ACLY: variants seen among roughly 807,000 people sequenced by gnomAD.
The protein encoded by ACLY is ATP citrate lyase.
ACLY carries 41 observed loss-of-function variants against 133.0 expected under a neutral mutation model. The observed-to-expected ratio is 0.31, with a 90% CI of 0.24 to 0.40. The LOEUF is 0.40. Among genes scored for constraint, ACLY ranks in the 10% least tolerant of loss-of-function variants. The probability of loss-of-function intolerance (pLI) is 1.00; values close to 1 mark genes in which losing one functional copy is unlikely to be tolerated. For missense variants in ACLY, 1,046 were observed against 1,453.8 expected (o/e 0.72, Z 4.56); for synonymous variants, 495 against 549.3 (o/e 0.90, Z 1.38).
chr17:41,909,996 G>C (rs1355381912), intron 4 of ACLY, among the ~76,000 whole-genome samples: 1 of 152,116 alleles, frequency 6.6e-6, no homozygotes, highest in Non-Finnish European at 1.5e-5. Flanking sequence ...CCTGCACTTG[G>C]AAGTCCCCTT....
chr17:41,869,804 G>A (rs1051085609), intron 25 of ACLY, among the ~76,000 whole-genome samples: 3 of 152,190 alleles, frequency 2.0e-5, no homozygotes, highest in South Asian at 4.1e-4. Flanking sequence ...AACAACCTTG[G>A]TAGGTTCTCA....
chr17:41,869,442 G>A (rs532823509), intron 26 of ACLY, 32 bp downstream of exon 26: 13 of 1,554,826 alleles, frequency 8.4e-6, no homozygotes, highest in South Asian at 1.1e-5. Flanking sequence ...CTTGTCCAAC[G>A]TGAGGGAATT....
intron 10 of ACLY, among the ~76,000 whole-genome samples, chr17:41,902,182 A>G (rs140371854): frequency 6.6e-6 from 1 of 152,228 alleles, no homozygotes; most frequent in African/African-American, 2.4e-5. Flanking sequence ...GACATAGTCA[A>G]TGTCCTACAA....
intron 22 of ACLY, among the ~76,000 whole-genome samples, chr17:41,876,930 G>GA (rs1373463986): frequency 5.2e-4 from 73 of 141,348 alleles, no homozygotes; most frequent in Middle Eastern, 3.6e-3. Flanking sequence ...AATAAAAAAG[G>GA]AAAAAAAAAA....
At chr17:41,881,672 C>T (rs529872390) in intron 20 of ACLY, among the ~76,000 whole-genome samples, 1 of 152,198 alleles carries the variant, frequency 6.6e-6, no homozygotes, top group East Asian at 1.9e-4. Flanking sequence ...TCTCAGCTCA[C>T]TGCATCCTCC....
intron 20 of ACLY, among the ~76,000 whole-genome samples, chr17:41,882,176 G>A (rs530613844): frequency 5.5e-4 from 83 of 151,860 alleles, no homozygotes; most frequent in Non-Finnish European, 9.6e-4. Context: ...AGACCAGCCT[G>A]ACCAACATGG....
chr17:41,868,017 G>C, intron 28 of ACLY, 113 bp from the exon 29 acceptor site: 2 of 670,164 alleles, frequency 3.0e-6, no homozygotes, highest in South Asian at 4.1e-5. Flanking sequence ...ACAAAGCAGT[G>C]GGAAGTTTAG....
At chr17:41,880,014 G>A (rs1447386675) in intron 20 of ACLY, among the ~76,000 whole-genome samples, 5 of 152,138 alleles carry the variant, frequency 3.3e-5, no homozygotes, top group African/African-American at 1.2e-4. Flanking sequence ...ACAGGCATGA[G>A]CCAGCGCGCC....
intron 13 of ACLY, 46 bp downstream of exon 13, chr17:41,897,703 C>A: frequency 6.5e-7 from 1 of 1,547,098 alleles, no homozygotes; most frequent in Non-Finnish European, 8.8e-7. Context: ...ACAGAGGGTA[C>A]CGCAAGGCCA....
At chr17:41,907,340 CA>C in intron 7 of ACLY, 101 bp downstream of exon 7, 1 of 1,137,176 alleles carries the variant, frequency 8.8e-7, no homozygotes, top group Non-Finnish European at 1.2e-6. Context: ...CTTTCCCTGC[CA>C]AATAAACAGC....
At position 41,893,072 on chromosome 17, in the gene ACLY, C is replaced by A; in HGVS notation, c.1562G>T (p.Arg521Leu). The A allele has an allele frequency of 6.2e-7, 1 of 1,614,102 alleles. No individual in the cohort carries two copies. Among genetic ancestry groups the A allele is most frequent in the Non-Finnish European group, 8.5e-7 (1 of 1,179,986 alleles). The change falls in exon 15 of 29, where the codon CGA (arginine) becomes CTA (leucine). Residue 521 changes from arginine (R) to leucine (L), a missense_variant. Physicochemically the swap from Arg to Leu is moderately radical, Grantham distance 102. Around this residue, in one of 4 missense-constraint regions of ACLY, gnomAD observed 575 missense variants for 804.2 expected, o/e 0.71. Coordinates refer to ENST00000352035, the MANE Select transcript of ACLY (RefSeq NM_001096.3). Reference sequence around the variant, plus strand: ...CATGGCAGCCACTGAGGGCTCGTCTCGGGAGCAGACATAGTCAAAGTCCAG... The same window carrying A: ...CATGGCAGCCACTGAGGGCTCGTCTAGGGAGCAGACATAGTCAAAGTCCAG... ...GMLDFDYVCS[R>L]DEPSVAAMVY...
chr17:41,912,644 C>G (rs1256956365), intron 2 of ACLY, 102 bp from the exon 3 acceptor site: 1 of 1,449,316 alleles, frequency 6.9e-7, no homozygotes, highest in Non-Finnish European at 9.5e-7. Context: ...TTCCCATTCA[C>G]TCTGCTCCAA....
intron 16 of ACLY, among the ~76,000 whole-genome samples, chr17:41,888,339 T>G (rs1355849408): frequency 6.6e-6 from 1 of 152,160 alleles, no homozygotes; most frequent in Non-Finnish European, 1.5e-5. Context: ...ACGTTCACTC[T>G]CACCCAAAAG....
At chr17:41,918,835 A>T (rs2050126305) in intron 1 of ACLY, 45 bp downstream of exon 1, 1 of 1,283,620 alleles carries the variant, frequency 7.8e-7, no homozygotes, top group Non-Finnish European at 1.0e-6. Context: ...GGAAGCTCCT[A>T]GGGCGAGCGG....
chr17:41,871,910 G>C (rs1407824431), intron 24 of ACLY, 78 bp from the exon 25 acceptor site: 7 of 1,597,814 alleles, frequency 4.4e-6, no homozygotes, highest in African/African-American at 1.3e-5. Flanking sequence ...AGTGTGTCCC[G>C]AACGGCCCTG....
upstream of ACLY, among the ~76,000 whole-genome samples, chr17:41,920,246 C>A (rs1489497398): frequency 6.6e-6 from 1 of 152,052 alleles, no homozygotes; most frequent in African/African-American, 2.4e-5. Context: ...CTTTCTGGTC[C>A]CTTCCCTCCC....
At chr17:41,922,177 G>A (rs2050191066), upstream of ACLY, among the ~76,000 whole-genome samples, 1 of 151,904 alleles carries the variant, frequency 6.6e-6, no homozygotes, top group South Asian at 2.1e-4. Flanking sequence ...AGGAGATTGA[G>A]ACTATCCTGG....
chr17:41,925,424 C>T (rs9905315), intron 1 of ACLY, among the ~76,000 whole-genome samples: 104,278 of 143,900 alleles, frequency 0.72, 38,441 homozygotes, highest in Admixed American at 0.84. Context: ...TTGCAAAACA[C>T]CTTCTCTACC....
At position 41,912,660 on chromosome 17, in the gene ACLY, G is replaced by C; in HGVS notation, c.160-118C>G. ...TCCCATTCACTCTGCTCCAAAGCCAGCCCTAACCATCCTTCAGAGTCAACT... is the reference window on the plus strand; with the variant it reads ...TCCCATTCACTCTGCTCCAAAGCCACCCCTAACCATCCTTCAGAGTCAACT... On this transcript the variant is annotated intron_variant, in intron 2 of 28. Transcript: ENST00000352035. The C allele has an allele frequency of 2.3e-6, 3 of 1,283,886 alleles. No individual in the cohort carries two copies. In the South Asian group the frequency reaches 4.2e-5, roughly 18 times the overall value. 79.5% of individuals were successfully genotyped at this position (1,283,886 alleles called of 1,614,324 possible). A position where few individuals can be genotyped will look rare whatever the true frequency, so the allele number is the denominator to read the frequency against.
Sources: allele counts gnomAD v4.1 joint callset (sites outside exome capture counted in the v4.1 genomes callset), GRCh38; gene constraint gnomAD v4.1.1; regional missense constraint gnomAD v4.1.1; transcripts MANE v1.5; gene names NCBI Gene and HGNC (gene_info 2026-07-23, HGNC 2026-07-21).